The following BRSK2 variants were observed in gnomAD, a reference collection of about 807,000 sequenced individuals.
BRSK2 encodes serine/threonine-protein kinase BRSK2.
A neutral mutation model predicts 83.3 loss-of-function variants in BRSK2; 19 were observed. The observed-to-expected ratio is 0.23, with a 90% confidence interval of 0.16 to 0.33. The LOEUF (loss-of-function observed/expected upper bound fraction) is 0.33. Ranked by LOEUF, BRSK2 falls within the 10% of genes least tolerant of loss-of-function variation. The probability of loss-of-function intolerance (pLI) is 1.00; values close to 1 mark genes in which losing one functional copy is unlikely to be tolerated. For synonymous variants in BRSK2, 519 were observed against 435.4 expected (o/e 1.19, Z -2.39); for missense variants, 798 against 1,042.3 (o/e 0.77, Z 3.23).
chr11:1,451,129 T>C (rs1391268636), intron 14 of BRSK2, among the ~76,000 whole-genome samples: 1 of 152,204 alleles, frequency 6.6e-6, no homozygotes, highest in East Asian at 1.9e-4. Context: ...CCAGTGCTGC[T>C]GGAGAAGGCA....
intron 12 of BRSK2, chr11:1,447,913 G>A (rs1166256481): frequency 6.5e-7 from 1 of 1,532,794 alleles, no homozygotes; most frequent in Non-Finnish European, 8.8e-7. Flanking sequence ...CAGACACGCT[G>A]TCCTGCCTCA....
At position 1,403,757 on chromosome 11, in the gene BRSK2, G is replaced by A. The variant is rs566969829; in HGVS notation, c.91+13382G>A. ...TGCTGGTGAGACAGAAGTGGGCTCT[G>A]TTCTGGGCTCTGTGGCTCCTGGTGG... On this transcript the variant is annotated intron_variant, in intron 1 of 19. Coordinates refer to ENST00000528841, the MANE Select transcript of BRSK2 (RefSeq NM_001256627.2). Among the ~76,000 whole-genome samples, 5 of 152,308 alleles carry A rather than the reference G, an allele frequency of 3.3e-5. No homozygotes were observed. In the East Asian group the frequency reaches 7.7e-4, roughly 24 times the overall value.
rs1011240844 is a variant in BRSK2 at position 1,454,288 on chromosome 11, C to T, written c.1545-197C>T. The T allele has an allele frequency of 1.5e-5, 9 of 595,020 alleles. No homozygotes were observed. Among genetic ancestry groups the T allele is most frequent in the South Asian group, 9.6e-5 (5 of 52,058 alleles). The allele number at this position is 595,020 out of a possible 1,614,324, so 36.9% of individuals were successfully genotyped here. ...AGGGTTGGGGTTGGGGTTAGAGCCA[C>T]GGTGATGGTCAGGGCATATGGGCTA... On this transcript the variant is annotated intron_variant, in intron 15 of 19. Transcript: ENST00000528841. The surrounding 1 kb of genome is among the most constrained non-coding windows in gnomAD (Gnocchi z 5.2).
At position 1,460,732 on chromosome 11, in the gene BRSK2, G is replaced by GCCCCCCC; in HGVS notation, c.*14_*20dup. ...GCCGCGAGCAGCCTTAGACACACTA[G>GCCCCCCC]CCCCCCCCCCCAGCACAGCACTGAC... On this transcript the variant is annotated 3_prime_UTR_variant, in exon 20 of 20. Coordinates refer to ENST00000528841, the MANE Select transcript of BRSK2 (RefSeq NM_001256627.2). 1 of 1,310,256 alleles carries GCCCCCCC rather than the reference G, an allele frequency of 7.6e-7. No individual in the cohort carries two copies. The highest frequency in any genetic ancestry group is 9.9e-7 in the Non-Finnish European group (1 of 1,013,244). 81.2% of individuals were successfully genotyped at this position (1,310,256 alleles called of 1,614,324 possible). A position where few individuals can be genotyped will look rare whatever the true frequency, so the allele number is the denominator to read the frequency against.
intron 8 of BRSK2, 146 bp downstream of exon 8, chr11:1,443,781 G>A: frequency 8.8e-7 from 1 of 1,141,172 alleles, no homozygotes; most frequent in African/African-American, 1.6e-5. Context: ...CGTGTGCACA[G>A]GTGTCGGCTT....
chr11:1,434,975 T>G (rs1590502469), intron 1 of BRSK2, among the ~76,000 whole-genome samples: 4 of 141,782 alleles, frequency 2.8e-5, no homozygotes, highest in African/African-American at 5.3e-5. Flanking sequence ...GTGAAAAGAG[T>G]GGGGAGAGGA....
intron 12 of BRSK2, among the ~76,000 whole-genome samples, chr11:1,448,699 A>G (rs1852549689): frequency 1.3e-5 from 2 of 152,190 alleles, no homozygotes; most frequent in African/African-American, 2.4e-5. Flanking sequence ...CTCTGGGTCC[A>G]GTTCCAGCCC....
chr11:1,394,567 CTGGAGATGGGCCA>C (rs1845940371), intron 1 of BRSK2, among the ~76,000 whole-genome samples: 2 of 48,856 alleles, frequency 4.1e-5, no homozygotes, highest in African/African-American at 1.7e-4. Context: ...GAGATGGGTC[CTGGAGATGGGCCA>C]TGGAGATGGG....
At chr11:1,416,254 G>C (rs1182628319) in intron 1 of BRSK2, among the ~76,000 whole-genome samples, 1 of 152,214 alleles carries the variant, frequency 6.6e-6, no homozygotes, top group East Asian at 1.9e-4. Context: ...GAGGCTGGGG[G>C]GTCTCGTGGG....
intron 1 of BRSK2, among the ~76,000 whole-genome samples, chr11:1,405,144 C>T (rs887415760): frequency 6.8e-6 from 1 of 147,996 alleles, no homozygotes; most frequent in East Asian, 2.1e-4. Flanking sequence ...GGGTTGGGAG[C>T]GGCCCGGGCC....
chr11:1,425,039 G>A (rs574050489), intron 1 of BRSK2, among the ~76,000 whole-genome samples: 8 of 152,352 alleles, frequency 5.3e-5, no homozygotes, highest in African/African-American at 1.9e-4. Flanking sequence ...CCCACTCAGC[G>A]AGGCTGTTCC....
intron 1 of BRSK2, among the ~76,000 whole-genome samples, chr11:1,425,565 C>A (rs1183318844): frequency 6.6e-6 from 1 of 152,166 alleles, no homozygotes; most frequent in African/African-American, 2.4e-5. Context: ...ACCCCACCCC[C>A]TCAGGACGTT....
At position 1,395,275 on chromosome 11, in the gene BRSK2, G is replaced by A. The variant is rs144170012; in HGVS notation, c.91+4900G>A. Among the ~76,000 whole-genome samples, 1,232 of 152,260 alleles carry A rather than the reference G, an allele frequency of 8.1e-3. 18 individuals are homozygous for A. The highest frequency in any genetic ancestry group is 0.029 in the African/African-American group (1,189 of 41,544). On this transcript the variant is annotated intron_variant, in intron 1 of 19. Transcript: ENST00000528841. ...TCAGGACGCTGTTCTCAGGGGCGCC[G>A]TGCACAGAGCCCGGGGAGCCAGCAT...
chr11:1,428,580 G>C (rs1849518767), intron 1 of BRSK2, among the ~76,000 whole-genome samples: 2 of 152,212 alleles, frequency 1.3e-5, no homozygotes, highest in Admixed American at 1.3e-4. Flanking sequence ...GCCCAGCAGT[G>C]TCCTTTCAAT....
chr11:1,411,191 C>G (rs61867659), intron 1 of BRSK2: 236,096 of 1,233,812 alleles, frequency 0.19, 24,771 homozygotes, highest in Non-Finnish European at 0.21. Flanking sequence ...GGTCACTGAG[C>G]CAGCCTTGCT....
intron 1 of BRSK2, among the ~76,000 whole-genome samples, chr11:1,410,155 A>T (rs1847284183): frequency 2.9e-5 from 1 of 34,638 alleles, no homozygotes; most frequent in African/African-American, 1.3e-4. Flanking sequence ...GTTTGTGACG[A>T]GTTCGTGTTT....
At position 1,461,247 on chromosome 11, in the gene BRSK2, GC is replaced by G; in HGVS notation, c.*526del. 1 of 576,278 alleles carries G rather than the reference GC, an allele frequency of 1.7e-6. No individual in the cohort carries two copies. The highest frequency in any genetic ancestry group is 3.4e-5 in the Admixed American group (1 of 29,790). 35.7% of individuals were successfully genotyped at this position (576,278 alleles called of 1,614,324 possible). Reference sequence around the variant, plus strand: ...ACAGCCTGCCTGGTGGCCTTCTGGGGCCAGGACCCCTGGTGGGCAACGTAGC... The same window carrying G: ...ACAGCCTGCCTGGTGGCCTTCTGGGGCAGGACCCCTGGTGGGCAACGTAGC... On this transcript the variant is annotated 3_prime_UTR_variant, in exon 20 of 20. Transcript: ENST00000528841.
chr11:1,460,738 C>G lies in BRSK2; in HGVS notation c.*15C>G, dbSNP rs767331870. The G allele has an allele frequency of 4.8e-4, 676 of 1,408,148 alleles. 2 individuals carry two copies. Among genetic ancestry groups the G allele is most frequent in the Admixed American group, 7.9e-4 (29 of 36,796 alleles). The allele number at this position is 1,408,148 out of a possible 1,614,324, so 87.2% of individuals were successfully genotyped here. A position where few individuals can be genotyped will look rare whatever the true frequency, so the allele number is the denominator to read the frequency against. On this transcript the variant is annotated 3_prime_UTR_variant, in exon 20 of 20. Coordinates refer to ENST00000528841, the MANE Select transcript of BRSK2 (RefSeq NM_001256627.2). ...AGCAGCCTTAGACACACTAGCCCCC[C>G]CCCCCAGCACAGCACTGACAGCGGC... is the stretch of plus-strand genomic sequence containing the variant.
rs1464547991 is a variant in BRSK2 at position 1,461,015 on chromosome 11, C to G, written c.*292C>G. 1.8e-5 allele frequency: 29 copies of G among 1,611,950 alleles called. No individual in the cohort carries two copies. Among genetic ancestry groups the G allele is most frequent in the East Asian group, 2.2e-5 (1 of 44,840 alleles). On this transcript the variant is annotated 3_prime_UTR_variant, in exon 20 of 20. Coordinates refer to ENST00000528841, the MANE Select transcript of BRSK2 (RefSeq NM_001256627.2). The stretch of plus-strand genomic sequence containing the variant: ...CATGTCACCTCCACGAGGCCATCCT[C>G]TGTGACCGAAGGCAGCTGCTGCGGA...
Sources: gnomAD v4.1 joint callset for allele counts (sites outside exome capture counted in the v4.1 genomes callset) on GRCh38, gnomAD v4.1.1 for gene constraint, Gnocchi (gnomAD v3.1) non-coding constraint, MANE v1.5 for transcripts, NCBI Gene and HGNC (gene_info 2026-07-23, HGNC 2026-07-21) for gene names.